Variants in PTPRG observed in about 807,000 individuals in gnomAD.
PTPRG encodes protein tyrosine phosphatase receptor type G.
PTPRG carries 102 observed loss-of-function variants against 165.3 expected under a neutral mutation model. That is an observed-to-expected ratio of 0.62 (90% CI 0.53 to 0.73). The LOEUF is 0.73. Ranked by LOEUF, PTPRG falls within the 30% of genes least tolerant of loss-of-function variation. PTPRG has a pLI of 0.00. For missense variants in PTPRG, 1,866 were observed against 1,861.4 expected, an observed-to-expected ratio of 1.00 and a Z score of -0.05; for synonymous variants, 675 against 669.5, an observed-to-expected ratio of 1.01 and a Z score of -0.13.
At chr3:62,263,466 G>A (rs940930998) in intron 17 of PTPRG, 15 of 152,524 alleles carry the variant, frequency 9.8e-5, no homozygotes, top group African/African-American at 3.1e-4. Context: ...AATACCCTAG[G>A]AGCACAAGCT....
At chr3:61,995,731 CCTTCCTTCCTTCCT>C (rs1167290459) in intron 3 of PTPRG, among the ~76,000 whole-genome samples, 1 of 143,756 alleles carries the variant, frequency 7.0e-6, no homozygotes, top group African/African-American at 2.6e-5. Flanking sequence ...TTCCTTCCTT[CCTTCCTTCCTTCCT>C]TCCCTCCCTC....
In PTPRG at chr3:61,669,516, C is replaced by T. The variant is rs560508575; in HGVS notation, c.86-79362C>T. On this transcript the variant is annotated intron_variant, in intron 1 of 29. Coordinates refer to ENST00000474889, the MANE Select transcript of PTPRG (RefSeq NM_002841.4). The stretch of plus-strand genomic sequence containing the variant: ...TTCTTACTTCTCTTCCTAGACTTTA[C>T]TGTCTCTGTTAATTACAGTTCCATT... Among the ~76,000 whole-genome samples the T allele has an allele frequency of 3.3e-5, 5 of 152,316 alleles. No homozygotes were observed. In the South Asian group the frequency reaches 1.0e-3, roughly 32 times the overall value.
At chr3:62,081,162 C>T (rs1701560052) in intron 5 of PTPRG, among the ~76,000 whole-genome samples, 1 of 151,366 alleles carries the variant, frequency 6.6e-6, no homozygotes, top group Admixed American at 6.6e-5. Flanking sequence ...GAGGCTGAGG[C>T]AGGAGAATGG....
At chr3:62,104,757 T>C (rs890603820) in intron 5 of PTPRG, among the ~76,000 whole-genome samples, 1 of 152,210 alleles carries the variant, frequency 6.6e-6, no homozygotes, top group South Asian at 2.1e-4. Flanking sequence ...TGTGCATTAC[T>C]ACTAGCGGGA....
intron 4 of PTPRG, among the ~76,000 whole-genome samples, chr3:62,060,898 C>G (rs184989208): frequency 2.8e-4 from 42 of 152,068 alleles, no homozygotes; most frequent in Non-Finnish European, 5.6e-4. Context: ...TTATCATTGG[C>G]TTTTTTTGCA....
In PTPRG at chr3:62,191,377, T is replaced by C; in HGVS notation, c.1034-92T>C. 5.7e-6 allele frequency: 7 copies of C among 1,230,586 alleles called. No individual in the cohort carries two copies. The Admixed American group carries it at 1.7e-4, about 30-fold the overall frequency. The allele number at this position is 1,230,586 out of a possible 1,614,324, so 76.2% of individuals were successfully genotyped here. A position where few individuals can be genotyped will look rare whatever the true frequency, so the allele number is the denominator to read the frequency against. On this transcript the variant is annotated intron_variant, in intron 8 of 29. Transcript: ENST00000474889. ...AGCATGGGTGCTTCCTGTATTACTC[T>C]TTCAACTTTTTGAGGCTGCAGTCCT...
chr3:61,621,283 C>T (rs1461228425), intron 1 of PTPRG, among the ~76,000 whole-genome samples: 1 of 152,052 alleles, frequency 6.6e-6, no homozygotes, highest in African/African-American at 2.4e-5. Flanking sequence ...ACGAGGCTGG[C>T]ACTGGAGAAT....
Position 62,132,633 on chromosome 3 carries a change from C to T in PTPRG, c.647C>T (p.Pro216Leu), listed in dbSNP as rs1703559295. Residue 216 changes from proline (P) to leucine (L), a missense_variant, in exon 6 of 30, where the codon CCT becomes CTT. Pro to Leu is a moderately conservative substitution (Grantham distance 98, BLOSUM62 -3). Coordinates refer to ENST00000474889, the MANE Select transcript of PTPRG (RefSeq NM_002841.4). The part of the protein sequence containing the change: ...VSPRDNSALD[P>L]IIHGLKGVVH... The stretch of plus-strand genomic sequence containing the variant: ...CCGAGGGACAATTCTGCACTGGATC[C>T]TATTATCCACGGGTTGAAGGGTGTC... 1 of 1,612,210 alleles carries T rather than the reference C, an allele frequency of 6.2e-7. No individual in the cohort carries two copies. Among genetic ancestry groups the T allele is most frequent in the African/African-American group, 1.3e-5 (1 of 74,826 alleles).
intron 1 of PTPRG, among the ~76,000 whole-genome samples, chr3:61,577,030 T>C (rs2106787259): frequency 6.6e-6 from 1 of 152,344 alleles, no homozygotes; most frequent in African/African-American, 2.4e-5. Flanking sequence ...GACAGCAGTT[T>C]TTAAAACTGT....
At chr3:61,945,992 G>GATTCATTC (rs1176035923) in intron 2 of PTPRG, among the ~76,000 whole-genome samples, 21 of 152,054 alleles carry the variant, frequency 1.4e-4, no homozygotes, top group African/African-American at 5.1e-4. Flanking sequence ...TTGATTGATT[G>GATTCATTC]ATTCATTCAT....
intron 2 of PTPRG, among the ~76,000 whole-genome samples, chr3:61,897,550 T>C (rs912825047): frequency 3.9e-5 from 6 of 152,186 alleles, no homozygotes; most frequent in African/African-American, 1.4e-4. Context: ...TCTGTCAAGA[T>C]TTTTGTAGCC....
chr3:61,921,653 A>G (rs957658480), intron 2 of PTPRG, among the ~76,000 whole-genome samples: 1 of 152,224 alleles, frequency 6.6e-6, no homozygotes, highest in African/African-American at 2.4e-5. Flanking sequence ...TGAAAGTTAA[A>G]TGAATTTCAT....
At chr3:62,086,183 G>A (rs1056165064) in intron 5 of PTPRG, among the ~76,000 whole-genome samples, 1 of 151,852 alleles carries the variant, frequency 6.6e-6, no homozygotes. Context: ...TATTTATGGT[G>A]ACCTAAATTA....
chr3:61,605,047 C>G (rs964436815), intron 1 of PTPRG, among the ~76,000 whole-genome samples: 1 of 152,108 alleles, frequency 6.6e-6, no homozygotes, highest in Non-Finnish European at 1.5e-5. Flanking sequence ...CTTGTTGGAT[C>G]ATGCCACACT....
Position 62,293,311 on chromosome 3 carries a change from G to C in PTPRG, c.*4G>C. 1 of 1,551,354 alleles carries C rather than the reference G, an allele frequency of 6.4e-7. No individual in the cohort carries two copies. Among genetic ancestry groups the C allele is most frequent in the Non-Finnish European group, 8.6e-7 (1 of 1,156,296 alleles). On this transcript the variant is annotated 3_prime_UTR_variant, in exon 30 of 30. Coordinates refer to ENST00000474889, the MANE Select transcript of PTPRG (RefSeq NM_002841.4). Reference sequence around the variant, plus strand: ...GAGCATGGAGTCCCTAGTGTGACTGGAATCCTGAAAGGGCACTTAATTTGT... The same window carrying C: ...GAGCATGGAGTCCCTAGTGTGACTGCAATCCTGAAAGGGCACTTAATTTGT...
chr3:62,014,841 C>T (rs2041502575), intron 4 of PTPRG, among the ~76,000 whole-genome samples: 1 of 152,150 alleles, frequency 6.6e-6, no homozygotes, highest in Non-Finnish European at 1.5e-5. Context: ...AAAGATGGCC[C>T]CAGCATATTT....
At chr3:62,167,604 G>A (rs1705042928) in intron 7 of PTPRG, among the ~76,000 whole-genome samples, 1 of 152,162 alleles carries the variant, frequency 6.6e-6, no homozygotes, top group African/African-American at 2.4e-5. Context: ...CTGGCTCCGG[G>A]ACATAACAGT....
chr3:61,895,370 C>CTGGTTATTAAAATG (rs2038326224), intron 2 of PTPRG, among the ~76,000 whole-genome samples: 1 of 152,152 alleles, frequency 6.6e-6, no homozygotes, highest in Non-Finnish European at 1.5e-5. Context: ...GAATAGAGTA[C>CTGGTTATTAAAATG]CTTCATGGTT....
intron 1 of PTPRG, among the ~76,000 whole-genome samples, chr3:61,627,278 T>C (rs1287149937): frequency 3.9e-5 from 6 of 152,170 alleles, no homozygotes; most frequent in African/African-American, 7.2e-5. Flanking sequence ...TGTCTGGAAC[T>C]TGCTTTAGGA....
Sources: allele counts gnomAD v4.1 joint callset (sites outside exome capture counted in the v4.1 genomes callset), GRCh38; gene constraint gnomAD v4.1.1; transcripts MANE v1.5; gene names NCBI Gene and HGNC (gene_info 2026-07-23, HGNC 2026-07-21).